Variants in TCF20 observed in about 807,000 individuals in gnomAD.
TCF20 encodes the protein SPRE-binding protein.
Under a neutral mutation model 148.6 loss-of-function variants are expected in TCF20, and 3 were observed. The ratio of observed to expected loss-of-function variants is 0.02; its 90% confidence interval spans 0.01 to 0.05. The LOEUF is 0.05. Among genes scored for constraint, TCF20 ranks in the 10% least tolerant of loss-of-function variants. The pLI is 1.00. For missense variants in TCF20, 2,350 were observed against 2,429.3 expected (o/e 0.97, Z 0.69); for synonymous variants, 1,049 against 909.5 (o/e 1.15, Z -2.76).
chr22:42,332,343 C>T (rs1927991141), intron 1 of TCF20, among the ~76,000 whole-genome samples: 1 of 152,070 alleles, frequency 6.6e-6, no homozygotes, highest in Non-Finnish European at 1.5e-5. Context: ...CTCTATGTGG[C>T]TGGAGTGTAG....
chr22:42,181,713 T>C (rs1936784399), intron 2 of TCF20, among the ~76,000 whole-genome samples: 2 of 151,426 alleles, frequency 1.3e-5, no homozygotes, highest in African/African-American at 4.9e-5. Context: ...GCTCAGGTGA[T>C]TCTCCTGACC....
At chr22:42,265,107 A>C (rs993359502) in intron 1 of TCF20, among the ~76,000 whole-genome samples, 1 of 152,246 alleles carries the variant, frequency 6.6e-6, no homozygotes, top group African/African-American at 2.4e-5. Flanking sequence ...TGGGTCACGC[A>C]TATTACCCAA....
In TCF20 at chr22:42,211,703, G is replaced by A. The variant is rs769918163; in HGVS notation, c.3603C>T (p.Ser1201=). 7.7e-5 allele frequency: 124 copies of A among 1,614,060 alleles called. 4 individuals carry two copies. In the South Asian group the frequency reaches 1.1e-3, roughly 14 times the overall value. Residue 1201 remains serine, a synonymous_variant, in exon 2 of 6, where the codon AGC becomes AGT. Transcript: ENST00000677622. Reference sequence around the variant, plus strand: ...TTTGACTGGACATTCCTGGAGGACCGCTGCTTTTGGCTGGAGAAGTTTGCC... The same window carrying A: ...TTTGACTGGACATTCCTGGAGGACCACTGCTTTTGGCTGGAGAAGTTTGCC... ...LSRQTSPAKS[S]GPPGMSSQKR...
intron 1 of TCF20, among the ~76,000 whole-genome samples, chr22:42,247,962 T>C (rs1453696165): frequency 6.6e-6 from 1 of 152,252 alleles, no homozygotes; most frequent in Non-Finnish European, 1.5e-5. Flanking sequence ...TGTAGACTGA[T>C]ACAACCTTCT....
chr22:42,264,289 G>T (rs1481094840), intron 1 of TCF20, among the ~76,000 whole-genome samples: 2 of 150,434 alleles, frequency 1.3e-5, no homozygotes, highest in East Asian at 2.0e-4. Flanking sequence ...GGGGCAGGGT[G>T]GGGGAGGGGG....
At chr22:42,182,603 G>A (rs75993207) in intron 2 of TCF20, among the ~76,000 whole-genome samples, 9,014 of 152,262 alleles carry the variant, frequency 0.059, 331 homozygotes, top group South Asian at 0.095. Context: ...CATCCAAAGG[G>A]GAAAGACTCT....
intron 1 of TCF20, among the ~76,000 whole-genome samples, chr22:42,255,146 T>C (rs1925659783): frequency 6.6e-6 from 1 of 151,992 alleles, no homozygotes; most frequent in Non-Finnish European, 1.5e-5. Flanking sequence ...TTTTGTCAAA[T>C]GTTTAGAACA....
intron 1 of TCF20, among the ~76,000 whole-genome samples, chr22:42,223,835 A>G (rs79060891): frequency 0.021 from 3,246 of 152,294 alleles, 130 homozygotes; most frequent in African/African-American, 0.074. Flanking sequence ...TCAGTGACTT[A>G]ATATTTCATA....
At chr22:42,268,481 G>C (rs1354130160) in intron 1 of TCF20, among the ~76,000 whole-genome samples, 1 of 152,202 alleles carries the variant, frequency 6.6e-6, no homozygotes, top group Non-Finnish European at 1.5e-5. Flanking sequence ...CATTTCACAG[G>C]AGATGTTATG....
At chr22:42,182,800 A>G (rs1383616174) in intron 2 of TCF20, among the ~76,000 whole-genome samples, 1 of 152,220 alleles carries the variant, frequency 6.6e-6, no homozygotes, top group African/African-American at 2.4e-5. Context: ...GCAGTGGCAC[A>G]GTCTTGGCTC....
At chr22:42,324,630 T>C (rs2147053722) in intron 1 of TCF20, among the ~76,000 whole-genome samples, 1 of 147,834 alleles carries the variant, frequency 6.8e-6, no homozygotes, top group East Asian at 2.0e-4. Context: ...TCCGAGAAAA[T>C]AATCTCCACC....
chr22:42,211,834 G>C lies in TCF20; in HGVS notation c.3472C>G (p.Gln1158Glu), dbSNP rs1184341048. The part of the protein sequence containing the change: ...PVGTYHDPSA[Q>E]EAGRCLMSSD... ...GACATTAGGCAGCGCCCAGCCTCCT[G>C]GGCACTGGGGTCATGGTAAGTCCCC... Residue 1158 changes from glutamine to glutamate, a missense_variant, in exon 2 of 6, where the codon CAG becomes GAG. Around this residue, in one of 7 missense-constraint regions of TCF20, gnomAD observed 1,641 missense variants for 1,662.6 expected, o/e 0.99. Transcript: ENST00000677622. The C allele has an allele frequency of 6.2e-7, 1 of 1,614,166 alleles. No individual in the cohort carries two copies. The highest frequency in any genetic ancestry group is 8.5e-7 in the Non-Finnish European group (1 of 1,180,032).
upstream of TCF20, among the ~76,000 whole-genome samples, chr22:42,272,108 T>C (rs1305155605): frequency 2.0e-5 from 3 of 152,224 alleles, no homozygotes; most frequent in Non-Finnish European, 4.4e-5. Context: ...TCCTGGGGAC[T>C]TGATTCCCCA....
At chr22:42,184,576 C>A (rs1936955278) in intron 2 of TCF20, among the ~76,000 whole-genome samples, 1 of 152,112 alleles carries the variant, frequency 6.6e-6, no homozygotes, top group Non-Finnish European at 1.5e-5. Context: ...AAAGTCACTG[C>A]ACAGCTAAAT....
chr22:42,224,343 G>A (rs540703304), intron 1 of TCF20, among the ~76,000 whole-genome samples: 1 of 151,884 alleles, frequency 6.6e-6, no homozygotes, highest in South Asian at 2.1e-4. Context: ...GTGGTGGTAG[G>A]CACCTGTAGT....
chr22:42,280,662 C>T lies in TCF20; in HGVS notation c.-37+3165G>A, dbSNP rs547682964. On this transcript the variant is annotated intron_variant, in intron 1 of 5. Transcript: ENST00000359486. ...CAGTCTTGGCTATTATTACCAGACA[C>T]GATGACCATCTCCATTTTACAACTA... is the stretch of plus-strand genomic sequence containing the variant. 8.5e-5 allele frequency among the ~76,000 whole-genome samples: 13 copies of T among 152,324 alleles called. No homozygotes were observed. The South Asian group carries it at 2.7e-3, about 32-fold the overall frequency.
At chr22:42,202,231 AACAATGAGGGAGG>A (rs1364986022) in intron 2 of TCF20, among the ~76,000 whole-genome samples, 3 of 152,238 alleles carry the variant, frequency 2.0e-5, no homozygotes, top group Admixed American at 1.3e-4. Flanking sequence ...TTACTAAGAC[AACAATGAGGGAGG>A]ACACCATCTG....
upstream of TCF20, among the ~76,000 whole-genome samples, chr22:42,288,538 A>G (rs1469069743): frequency 4.9e-5 from 4 of 82,130 alleles, no homozygotes; most frequent in Non-Finnish European, 8.2e-5. Flanking sequence ...CCATCTCAGG[A>G]AAAAAAAAAA....
intron 1 of TCF20, among the ~76,000 whole-genome samples, chr22:42,341,687 G>A (rs1016118405): frequency 3.3e-5 from 5 of 151,586 alleles, no homozygotes; most frequent in African/African-American, 1.2e-4. Flanking sequence ...TCAAAGACCT[G>A]TGAGCTGGCC....
Sources: allele counts gnomAD v4.1 joint callset (sites outside exome capture counted in the v4.1 genomes callset), GRCh38; gene constraint gnomAD v4.1.1; regional missense constraint gnomAD v4.1.1; transcripts MANE v1.5; gene names NCBI Gene and HGNC (gene_info 2026-07-23, HGNC 2026-07-21).